Variants in SRRM2 observed in about 807,000 individuals in gnomAD.
SRRM2 encodes serine/arginine repetitive matrix 2.
In SRRM2, 30 loss-of-function variants were observed where a neutral mutation model predicts 213.8. The observed-to-expected ratio is 0.14, with a 90% CI of 0.10 to 0.19. SRRM2 has a LOEUF of 0.19. Ranked by LOEUF, SRRM2 falls within the 10% of genes least tolerant of loss-of-function variation. SRRM2 has a pLI of 1.00. For missense variants in SRRM2, 4,904 were observed against 3,647.0 expected (o/e 1.34, Z -8.88); for synonymous variants, 2,025 against 1,377.7 (o/e 1.47, Z -10.40).
rs756340973 is a variant in SRRM2 at position 2,765,109 on chromosome 16, T to G, written c.4581T>G (p.Thr1527=). 10 of 1,614,126 alleles carry G rather than the reference T, an allele frequency of 6.2e-6. No individual in the cohort carries two copies. The highest frequency in any genetic ancestry group is 2.2e-5 in the East Asian group (1 of 44,866). ...SGSESSVDQK[T]VARTPLGQRS... ...CAGAATCATCAGTTGATCAGAAAACTGTGGCTCGGACTCCCCTGGGGCAGA... is the reference window on the plus strand; with the variant it reads ...CAGAATCATCAGTTGATCAGAAAACGGTGGCTCGGACTCCCCTGGGGCAGA... The change falls in exon 11 of 15, where the codon ACT becomes ACG. Residue 1527 remains threonine, a synonymous_variant. Transcript: ENST00000301740.
Position 2,766,188 on chromosome 16 carries a change from G to A in SRRM2, c.5660G>A (p.Arg1887Lys). Residue 1887 changes from arginine to lysine, a missense_variant, in exon 11 of 15, where the codon AGG (arginine) becomes AAG (lysine). Transcript: ENST00000301740. The surrounding 1 kb of genome is among the most constrained non-coding windows in gnomAD (Gnocchi z 7.0). ...RSRTPLISRRRSRSRTSPVSR... is the reference protein window; with the variant it reads ...RSRTPLISRRKSRSRTSPVSR... ...AGAACCCCCCTGATAAGCCGACGTA[G>A]GTCCAGATCTCGAACTTCACCAGTC... The A allele has an allele frequency of 1.2e-6, 2 of 1,614,186 alleles. No individual in the cohort carries two copies. The highest frequency in any genetic ancestry group is 1.7e-6 in the Non-Finnish European group (2 of 1,180,040).
rs201226213 is a variant in SRRM2 at position 2,765,117 on chromosome 16, G to A, written c.4589G>A (p.Arg1530Gln). The A allele has an allele frequency of 1.5e-5, 25 of 1,614,058 alleles. No individual in the cohort carries two copies. Among genetic ancestry groups the A allele is most frequent in the Non-Finnish European group, 2.1e-5 (25 of 1,180,006 alleles). The stretch of plus-strand genomic sequence containing the variant: ...TCAGTTGATCAGAAAACTGTGGCTC[G>A]GACTCCCCTGGGGCAGAGAAGTCGT... ...ESSVDQKTVA[R>Q]TPLGQRSRSG... is the part of the protein sequence containing the mutation. The change falls in exon 11 of 15, where the codon CGG becomes CAG. Residue 1530 changes from arginine (R) to glutamine (Q), a missense_variant. Arg to Gln is a conservative substitution (Grantham distance 43, BLOSUM62 1). Transcript: ENST00000301740.
intron 1 of SRRM2, among the ~76,000 whole-genome samples, chr16:2,755,833 G>A (rs1209097622): frequency 2.0e-5 from 3 of 152,132 alleles, no homozygotes; most frequent in Non-Finnish European, 4.4e-5. Flanking sequence ...TAAGTTTTTG[G>A]GAGAGTCTTT....
rs1392878984 is a variant in SRRM2 at position 2,756,573 on chromosome 16, G to A, written c.209G>A (p.Cys70Tyr). The change falls in exon 2 of 15, where the codon TGC becomes TAC. Residue 70 changes from cysteine (C) to tyrosine (Y), a missense_variant. Physicochemically the swap from Cys to Tyr is radical, Grantham distance 194. Transcript: ENST00000301740. The stretch of plus-strand genomic sequence containing the variant: ...CGCAAGCGGCGCGTCGAGCTGCGAT[G>A]CCTCGAGCTGGAGGAGATGATGGAA... ...HERKRRVELR[C>Y]LELEEMMEEQ... 1 of 1,613,744 alleles carries A rather than the reference G, an allele frequency of 6.2e-7. No individual in the cohort carries two copies. Among genetic ancestry groups the A allele is most frequent in the Non-Finnish European group, 8.5e-7 (1 of 1,179,880 alleles).
Position 2,757,598 on chromosome 16 carries a change from C to T in SRRM2, c.350+19C>T. The T allele has an allele frequency of 3.1e-6, 5 of 1,607,756 alleles. No homozygotes were observed. Among genetic ancestry groups the T allele is most frequent in the Non-Finnish European group, 4.3e-6 (5 of 1,175,522 alleles). On this transcript the variant is annotated intron_variant, in intron 3 of 14. Coordinates refer to ENST00000301740, the MANE Select transcript of SRRM2 (RefSeq NM_016333.4). ...GGCCAGCGTGAGTGTTGCGCTCTCC[C>T]TCGATGACTCTGGACTCTACTCTGG... is the stretch of plus-strand genomic sequence containing the variant.
intron 12 of SRRM2, 94 bp from the exon 13 acceptor site, chr16:2,770,258 A>T (rs920460950): frequency 6.8e-7 from 1 of 1,470,808 alleles, no homozygotes; most frequent in East Asian, 2.5e-5. Context: ...GTGTGGTGTG[A>T]GGTTTGGTGG....
intron 10 of SRRM2, 149 bp downstream of exon 10, chr16:2,760,648 C>G: frequency 2.4e-6 from 2 of 832,064 alleles, no homozygotes; most frequent in Non-Finnish European, 3.7e-6. Flanking sequence ...CTTACTGCAT[C>G]TGCAGAACTT....
At position 2,765,774 on chromosome 16, in the gene SRRM2, C is replaced by T. The variant is rs762045853; in HGVS notation, c.5246C>T (p.Ser1749Leu). Residue 1749 changes from serine to leucine, a missense_variant, in exon 11 of 15, where the codon TCA becomes TTA. By Grantham distance (145) the Ser-to-Leu change is moderately radical. Transcript: ENST00000301740. ...TCTTCACGCCGACGGCGCTCAGCTT[C>T]ATCTCCACGCACTAAGACAACCTCA... ...SRSSRRRRSASSPRTKTTSRR... is the reference protein window; with the variant it reads ...SRSSRRRRSALSPRTKTTSRR... 6.2e-7 allele frequency: 1 copy of T among 1,614,148 alleles called. No individual in the cohort carries two copies. Among genetic ancestry groups the T allele is most frequent in the Non-Finnish European group, 8.5e-7 (1 of 1,180,040 alleles).
At chr16:2,758,042 C>T in intron 4 of SRRM2, 97 bp downstream of exon 4, 2 of 1,447,460 alleles carry the variant, frequency 1.4e-6, no homozygotes, top group Non-Finnish European at 9.3e-7. Context: ...TTCCCAAACT[C>T]TTCAGATTTT....
rs1410654839 is a variant in SRRM2 at position 2,763,130 on chromosome 16, C to G, written c.2602C>G (p.Gln868Glu). The G allele has an allele frequency of 6.2e-7, 1 of 1,614,066 alleles. No individual in the cohort carries two copies. The highest frequency in any genetic ancestry group is 8.5e-7 in the Non-Finnish European group (1 of 1,180,036). ...PQANEQSVTPQRRSCFESSPD... is the reference protein window; with the variant it reads ...PQANEQSVTPERRSCFESSPD... ...GGCCAATGAGCAATCTGTAACGCCA[C>G]AGAGACGGAGCTGTTTTGAATCATC... is the stretch of plus-strand genomic sequence containing the variant. Residue 868 changes from glutamine (Q) to glutamate (E), a missense_variant, in exon 11 of 15, where the codon CAG becomes GAG. By Grantham distance (29) the Gln-to-Glu change is conservative. Transcript: ENST00000301740.
rs757309538 is a variant in SRRM2, at chr16:2,765,443, G to A, written c.4915G>A (p.Gly1639Ser). ...GGCCCTTCCCAGACGAAGCAGATCA[G>A]GTTCATCAAGCAAAGGCAGAGGCCC... ...PRALPRRSRS[G>S]SSSKGRGPSP... The change falls in exon 11 of 15, where the codon GGT becomes AGT. Residue 1639 changes from glycine (G) to serine (S), a missense_variant. Physicochemically the swap from Gly to Ser is moderately conservative, Grantham distance 56. Coordinates refer to ENST00000301740, the MANE Select transcript of SRRM2 (RefSeq NM_016333.4). 3 of 1,614,142 alleles carry A rather than the reference G, an allele frequency of 1.9e-6. No individual in the cohort carries two copies. In the South Asian group the frequency reaches 3.3e-5, roughly 18 times the overall value.
rs753245218 is a variant in SRRM2, at chr16:2,769,099, C to T, written c.7836C>T (p.Ser2612=). Residue 2612 remains serine, a synonymous_variant, in exon 12 of 15, where the codon TCC becomes TCT. Coordinates refer to ENST00000301740, the MANE Select transcript of SRRM2 (RefSeq NM_016333.4). ...KRKRRSSSSS[S]SSSSSSSSSS... ...AGAGGCGCTCTAGCAGTTCCAGTTCCAGCTCCTCCTCTTCATCTTCCTCCT... is the reference window on the plus strand; with the variant it reads ...AGAGGCGCTCTAGCAGTTCCAGTTCTAGCTCCTCCTCTTCATCTTCCTCCT... 7 of 1,614,048 alleles carry T rather than the reference C, an allele frequency of 4.3e-6. No homozygotes were observed. The highest frequency in any genetic ancestry group is 4.5e-5 in the East Asian group (2 of 44,872).
chr16:2,769,404 G>T, intron 12 of SRRM2, 120 bp downstream of exon 12: 1 of 1,185,506 alleles, frequency 8.4e-7, no homozygotes, highest in Non-Finnish European at 1.2e-6. Flanking sequence ...CTGGTTGTGG[G>T]GGAGGAGGCA....
Position 2,768,988 on chromosome 16 carries a change from C to T in SRRM2, c.7734-9C>T. The T allele has an allele frequency of 6.2e-7, 1 of 1,612,604 alleles. No homozygotes were observed. On this transcript the variant is annotated splice_polypyrimidine_tract_variant and intron_variant, in intron 11 of 14. Transcript: ENST00000301740. ...CTTGTCTCCTTGTGACACTCCTCTCCTCCCACAGGGTCCCCAGCCCCACCC... is the reference window on the plus strand; with the variant it reads ...CTTGTCTCCTTGTGACACTCCTCTCTTCCCACAGGGTCCCCAGCCCCACCC...
rs1401010942 is a variant in SRRM2 at position 2,763,370 on chromosome 16, C to T, written c.2842C>T (p.Arg948Trp). 34 of 1,614,204 alleles carry T rather than the reference C, an allele frequency of 2.1e-5. No homozygotes were observed. Among genetic ancestry groups the T allele is most frequent in the Non-Finnish European group, 2.3e-5 (27 of 1,180,044 alleles). Residue 948 changes from arginine to tryptophan, a missense_variant, in exon 11 of 15, where the codon CGG becomes TGG. Physicochemically the swap from Arg to Trp is moderately radical, Grantham distance 101. Transcript: ENST00000301740. ...TAGGGTGACGTCGAGAACAACTCCA[C>T]GGCGAAGCAGATCAGTATCTCCCTG... ...PSRVTSRTTP[R>W]RSRSVSPCSN...
rs988239757 is a variant in SRRM2 at position 2,765,729 on chromosome 16, A to C, written c.5201A>C (p.Glu1734Ala). Residue 1734 changes from glutamate (E) to alanine (A), a missense_variant, in exon 11 of 15, where the codon GAG (glutamate) becomes GCG (alanine). Physicochemically the swap from Glu to Ala is moderately radical, Grantham distance 107 (BLOSUM62 -1). Transcript: ENST00000301740. ...AGAAGTCCCTCAGTGTCTTCCCCGGAGCCAGCCGAAAAATCGAGGTCTTCA... is the reference window on the plus strand; with the variant it reads ...AGAAGTCCCTCAGTGTCTTCCCCGGCGCCAGCCGAAAAATCGAGGTCTTCA... ...HRRSPSVSSP[E>A]PAEKSRSSRR... is the part of the protein sequence containing the mutation. 6.2e-7 allele frequency: 1 copy of C among 1,614,160 alleles called. No individual in the cohort carries two copies. The highest frequency in any genetic ancestry group is 1.6e-4 in the Middle Eastern group (1 of 6,062).
Position 2,764,373 on chromosome 16 carries a change from T to C in SRRM2, c.3845T>C (p.Leu1282Ser), listed in dbSNP as rs1567234078. 3 of 1,614,202 alleles carry C rather than the reference T, an allele frequency of 1.9e-6. No individual in the cohort carries two copies. Among genetic ancestry groups the C allele is most frequent in the Non-Finnish European group, 2.5e-6 (3 of 1,180,036 alleles). Residue 1282 changes from leucine to serine, a missense_variant, in exon 11 of 15, where the codon TTG (leucine) becomes TCG (serine). Transcript: ENST00000301740. Reference sequence around the variant, plus strand: ...GTAGAAGAAAGGCCTGCTGTGTCTTTGACTCTTGATCAGAGCCAGTCACAG... The same window carrying C: ...GTAGAAGAAAGGCCTGCTGTGTCTTCGACTCTTGATCAGAGCCAGTCACAG... The part of the protein sequence containing the change: ...PEVEERPAVS[L>S]TLDQSQSQAS...
chr16:2,771,068 A>G lies in SRRM2; in HGVS notation c.*201A>G, dbSNP rs1260695739. On this transcript the variant is annotated 3_prime_UTR_variant, in exon 15 of 15. Transcript: ENST00000301740. ...AATCTCCGTGAGTTCTTCCTGGTTCATGTGTTCTGGGGGGTTTGGGGTGGG... is the reference window on the plus strand; with the variant it reads ...AATCTCCGTGAGTTCTTCCTGGTTCGTGTGTTCTGGGGGGTTTGGGGTGGG... 9.2e-6 allele frequency: 3 copies of G among 327,132 alleles called. No homozygotes were observed. The highest frequency in any genetic ancestry group is 6.0e-5 in the African/African-American group (2 of 33,508). The allele number at this position is 327,132 out of a possible 1,614,324, so 20.3% of individuals were successfully genotyped here. A position where few individuals can be genotyped will look rare whatever the true frequency, so the allele number is the denominator to read the frequency against.
In SRRM2 at chr16:2,753,100, G is replaced by A. The variant is rs115702132; in HGVS notation, c.-32+254G>A. On this transcript the variant is annotated intron_variant, in intron 1 of 14. Coordinates refer to ENST00000301740, the MANE Select transcript of SRRM2 (RefSeq NM_016333.4). ...GCCGCCTGTACTCGGGTTCGCGAGC[G>A]CCCTTGGTGAGGGGGGAGGGCGCGC... is the stretch of plus-strand genomic sequence containing the variant. 5.4e-3 allele frequency among the ~76,000 whole-genome samples: 812 copies of A among 150,918 alleles called. 3 individuals are homozygous for A. The highest frequency in any genetic ancestry group is 0.019 in the African/African-American group (774 of 41,064).
Sources: allele counts gnomAD v4.1 joint callset (sites outside exome capture counted in the v4.1 genomes callset), GRCh38; gene constraint gnomAD v4.1.1; non-coding constraint Gnocchi (gnomAD v3.1); transcripts MANE v1.5; gene names NCBI Gene and HGNC (gene_info 2026-07-23, HGNC 2026-07-21).